The following PDZRN3 variants were observed in gnomAD, a reference collection of about 807,000 sequenced individuals.
PDZRN3 encodes E3 ubiquitin-protein ligase PDZRN3.
Under a neutral mutation model 85.7 loss-of-function variants are expected in PDZRN3, and 38 were observed. The observed-to-expected ratio is 0.44, with a 90% CI of 0.34 to 0.58. The LOEUF (loss-of-function observed/expected upper bound fraction) is 0.58. Among genes scored for constraint, PDZRN3 ranks in the 20% least tolerant of loss-of-function variants. The pLI is 0.01. For synonymous variants in PDZRN3, 759 were observed against 638.0 expected (o/e 1.19, Z -2.86); for missense variants, 1,629 against 1,506.4 (o/e 1.08, Z -1.35).
At chr3:73,580,805 A>G (rs1446726442) in intron 3 of PDZRN3, among the ~76,000 whole-genome samples, 1 of 152,222 alleles carries the variant, frequency 6.6e-6, no homozygotes, top group African/African-American at 2.4e-5. Context: ...ACCTCTCTGG[A>G]CATCTGTGGC....
At chr3:73,473,438 G>T (rs1455904101) in intron 3 of PDZRN3, among the ~76,000 whole-genome samples, 2 of 151,758 alleles carry the variant, frequency 1.3e-5, no homozygotes, top group African/African-American at 4.8e-5. Context: ...AAATTCAGAG[G>T]AATGGGAAGA....
At chr3:73,551,706 A>G (rs1304438452) in intron 3 of PDZRN3, among the ~76,000 whole-genome samples, 1 of 151,526 alleles carries the variant, frequency 6.6e-6, no homozygotes, top group East Asian at 1.9e-4. Flanking sequence ...AAAAAAAAAA[A>G]AAGGAAAAAA....
At position 73,608,702 on chromosome 3, in the gene PDZRN3, G is replaced by A; in HGVS notation, c.724-18C>T. 1.3e-6 allele frequency: 2 copies of A among 1,535,042 alleles called. No homozygotes were observed. Among genetic ancestry groups the A allele is most frequent in the Middle Eastern group, 3.4e-4 (2 of 5,922 alleles). ...TCTTCGCCCTGCAGGTAACAAATGAGATCAAACTTTTATTTACCAACAGGG... is the reference window on the plus strand; with the variant it reads ...TCTTCGCCCTGCAGGTAACAAATGAAATCAAACTTTTATTTACCAACAGGG... On this transcript the variant is annotated intron_variant, in intron 1 of 9. Transcript: ENST00000263666.
intron 3 of PDZRN3, among the ~76,000 whole-genome samples, chr3:73,481,421 G>A (rs1575682201): frequency 3.3e-5 from 5 of 151,874 alleles, no homozygotes; most frequent in South Asian, 2.1e-4. Context: ...TCGGCTCACC[G>A]CAAGGTTCAA....
intron 3 of PDZRN3, among the ~76,000 whole-genome samples, chr3:73,531,466 G>A (rs1028757018): frequency 1.2e-4 from 19 of 152,152 alleles, no homozygotes; most frequent in African/African-American, 4.6e-4. Context: ...ACTTGAGGAT[G>A]ACTTGGGATT....
intron 3 of PDZRN3, among the ~76,000 whole-genome samples, chr3:73,427,532 CAT>C (rs1423796100): frequency 1.3e-5 from 2 of 152,066 alleles, no homozygotes; most frequent in Non-Finnish European, 2.9e-5. Context: ...TTCACTATTC[CAT>C]ATGTTTCCTT....
intron 3 of PDZRN3, among the ~76,000 whole-genome samples, chr3:73,442,885 C>T (rs1702669638): frequency 1.3e-5 from 2 of 152,076 alleles, no homozygotes; most frequent in Admixed American, 1.3e-4. Flanking sequence ...CACTAAGGTG[C>T]CTAGGTCCCT....
At chr3:73,566,171 C>T (rs979316404) in intron 3 of PDZRN3, among the ~76,000 whole-genome samples, 5 of 152,226 alleles carry the variant, frequency 3.3e-5, no homozygotes, top group African/African-American at 9.6e-5. Context: ...GGGATATCTT[C>T]ATTCAGCAAC....
intron 3 of PDZRN3, among the ~76,000 whole-genome samples, chr3:73,414,314 T>A (rs575511315): frequency 1.3e-5 from 2 of 152,368 alleles, no homozygotes; most frequent in South Asian, 4.1e-4. Flanking sequence ...AACCAATGAA[T>A]GCCAGGAAAA....
intron 3 of PDZRN3, among the ~76,000 whole-genome samples, chr3:73,543,960 T>C (rs866502009): frequency 6.6e-6 from 1 of 152,242 alleles, no homozygotes; most frequent in Admixed American, 6.5e-5. Context: ...TTGACGCTTC[T>C]ATTCCCAGCG....
intron 3 of PDZRN3, chr3:73,404,639 C>A: frequency 2.2e-6 from 1 of 450,390 alleles, no homozygotes; most frequent in Non-Finnish European, 3.9e-6. Flanking sequence ...TTAGCTTCCC[C>A]GTGGAATGTC....
chr3:73,500,133 G>A (rs554017421), intron 3 of PDZRN3, among the ~76,000 whole-genome samples: 1 of 152,016 alleles, frequency 6.6e-6, no homozygotes, highest in Non-Finnish European at 1.5e-5. Context: ...ATGGCTAACC[G>A]CAGCCTTGAT....
At chr3:73,431,805 A>G (rs369065804) in intron 3 of PDZRN3, among the ~76,000 whole-genome samples, 122 of 152,310 alleles carry the variant, frequency 8.0e-4, no homozygotes, top group African/African-American at 2.7e-3. Flanking sequence ...TTCACCTAGT[A>G]AAAAACAAAC....
chr3:73,403,445 A>AATG (rs1399304257), intron 4 of PDZRN3, among the ~76,000 whole-genome samples: 30 of 152,282 alleles, frequency 2.0e-4, no homozygotes, highest in Non-Finnish European at 2.9e-4. Flanking sequence ...TTAATCCTTC[A>AATG]ATGATAAGAG....
At chr3:73,438,010 C>T (rs1702563217) in intron 3 of PDZRN3, among the ~76,000 whole-genome samples, 1 of 152,206 alleles carries the variant, frequency 6.6e-6, no homozygotes, top group Admixed American at 6.5e-5. Flanking sequence ...CAAAGGCACA[C>T]ATTGTTTGAT....
chr3:73,439,668 G>C (rs1164689753), intron 3 of PDZRN3, among the ~76,000 whole-genome samples: 2 of 152,212 alleles, frequency 1.3e-5, no homozygotes, highest in Non-Finnish European at 2.9e-5. Flanking sequence ...AACAGCAGCT[G>C]TGAGTGCAGT....
At chr3:73,424,054 A>G (rs1015033921) in intron 3 of PDZRN3, among the ~76,000 whole-genome samples, 4 of 152,172 alleles carry the variant, frequency 2.6e-5, no homozygotes, top group African/African-American at 4.8e-5. Flanking sequence ...TACCATATAT[A>G]AAAAAGTAAC....
intron 3 of PDZRN3, among the ~76,000 whole-genome samples, chr3:73,532,538 A>C (rs1353627475): frequency 6.6e-6 from 1 of 152,208 alleles, no homozygotes; most frequent in Non-Finnish European, 1.5e-5. Context: ...TTACACACTC[A>C]CTGTGATATT....
chr3:73,575,704 A>G (rs1416607858), intron 3 of PDZRN3, among the ~76,000 whole-genome samples: 1 of 152,200 alleles, frequency 6.6e-6, no homozygotes, highest in Admixed American at 6.5e-5. Flanking sequence ...GACTGGCTCT[A>G]GTCCCAACTC....
Sources: allele counts gnomAD v4.1 joint callset (sites outside exome capture counted in the v4.1 genomes callset), GRCh38; gene constraint gnomAD v4.1.1; transcripts MANE v1.5; gene names NCBI Gene and HGNC (gene_info 2026-07-23, HGNC 2026-07-21).